Variants in GLRA3 observed in about 807,000 individuals in gnomAD.
The protein encoded by GLRA3 is glycine receptor subunit alpha-3.
In GLRA3, 44 loss-of-function variants were observed where a neutral mutation model predicts 60.4. The ratio of observed to expected loss-of-function variants is 0.73; its 90% CI spans 0.57 to 0.94. The LOEUF (loss-of-function observed/expected upper bound fraction) is 0.94. Among genes scored for constraint, GLRA3 ranks in the 40% least tolerant of loss-of-function variants. The probability of loss-of-function intolerance (pLI) is 0.00; values close to 1 mark genes in which losing one functional copy is unlikely to be tolerated. For missense variants in GLRA3, 508 were observed against 564.6 expected, an observed-to-expected ratio of 0.90 and a Z score of 1.02; for synonymous variants, 223 against 192.9, an observed-to-expected ratio of 1.16 and a Z score of -1.29.
At chr4:174,678,111 C>T (rs989856842) in intron 6 of GLRA3, among the ~76,000 whole-genome samples, 7 of 151,990 alleles carry the variant, frequency 4.6e-5, no homozygotes, top group Admixed American at 6.6e-5. Flanking sequence ...GTGTTATTTC[C>T]CATTAATAAA....
At chr4:174,714,438 T>C (rs901148390) in intron 5 of GLRA3, among the ~76,000 whole-genome samples, 4 of 152,236 alleles carry the variant, frequency 2.6e-5, no homozygotes, top group African/African-American at 7.2e-5. Context: ...TTTATCCATA[T>C]GTATGCTAAT....
rs1732515143 is a variant in GLRA3 at position 174,637,177 on chromosome 4, A to G, written c.*6609T>C. 6.6e-6 allele frequency: 1 copy of G among 152,144 alleles called. No individual in the cohort carries two copies. The highest frequency in any genetic ancestry group is 2.1e-4 in the South Asian group (1 of 4,836). The allele number at this position is 152,144 out of a possible 1,614,324, so 9.4% of individuals were successfully genotyped here. A position where few individuals can be genotyped will look rare whatever the true frequency, so the allele number is the denominator to read the frequency against. ...ACTTAGACATAAGACTCAAGAAGAC[A>G]GAAAAATAATTTACACCATAAAAAC... is the stretch of plus-strand genomic sequence containing the variant. On this transcript the variant is annotated 3_prime_UTR_variant, in exon 10 of 10. Coordinates refer to ENST00000274093, the MANE Select transcript of GLRA3 (RefSeq NM_006529.4).
chr4:174,719,020 T>C (rs1736037695), intron 4 of GLRA3, among the ~76,000 whole-genome samples: 1 of 134,624 alleles, frequency 7.4e-6, no homozygotes, highest in South Asian at 2.5e-4. Flanking sequence ...TGGAGTGCAG[T>C]GGCGCAATCT....
At position 174,718,326 on chromosome 4, in the gene GLRA3, G is replaced by A. The variant is rs17052175; in HGVS notation, c.492-2756C>T. ...CAATTAATCACATTCTACTGTTTTG[G>A]AAATAAATGTTTACTTGTGTAAGAG... is the stretch of plus-strand genomic sequence containing the variant. On this transcript the variant is annotated intron_variant, in intron 4 of 9. Coordinates refer to ENST00000274093, the MANE Select transcript of GLRA3 (RefSeq NM_006529.4). 6.3e-3 allele frequency among the ~76,000 whole-genome samples: 953 copies of A among 152,286 alleles called. 10 individuals carry two copies. The highest frequency in any genetic ancestry group is 0.021 in the African/African-American group (886 of 41,562).
At position 174,747,564 on chromosome 4, in the gene GLRA3, T is replaced by C. The variant is rs1039832958; in HGVS notation, c.268-18866A>G. On this transcript the variant is annotated intron_variant, in intron 3 of 9. Transcript: ENST00000274093. Reference sequence around the variant, plus strand: ...AAGGGAGGAGCAGAGTTAGATTCTGTGACGGTTCCTGTCACAACAGTGAGA... The same window carrying C: ...AAGGGAGGAGCAGAGTTAGATTCTGCGACGGTTCCTGTCACAACAGTGAGA... Among the ~76,000 whole-genome samples the C allele has an allele frequency of 2.0e-5, 3 of 152,118 alleles. No homozygotes were observed. In the South Asian group the frequency reaches 6.2e-4, roughly 31 times the overall value.
intron 5 of GLRA3, among the ~76,000 whole-genome samples, chr4:174,685,135 T>C (rs1330482129): frequency 6.6e-6 from 1 of 152,144 alleles, no homozygotes; most frequent in Non-Finnish European, 1.5e-5. Flanking sequence ...GAAGAGGCTA[T>C]GTGAGTGACT....
chr4:174,733,830 G>GT, intron 3 of GLRA3, among the ~76,000 whole-genome samples: 1 of 152,146 alleles, frequency 6.6e-6, no homozygotes, highest in Admixed American at 6.5e-5. Context: ...AATAAACTGT[G>GT]TTTTTTCCTG....
chr4:174,815,718 G>T (rs1356054353), intron 1 of GLRA3, among the ~76,000 whole-genome samples: 1 of 152,154 alleles, frequency 6.6e-6, no homozygotes, highest in African/African-American at 2.4e-5. Flanking sequence ...GGGATGCAGG[G>T]CACCAAGTCC....
At chr4:174,671,118 G>A (rs546461798) in intron 7 of GLRA3, among the ~76,000 whole-genome samples, 12 of 152,024 alleles carry the variant, frequency 7.9e-5, no homozygotes, top group Non-Finnish European at 1.6e-4. Context: ...GTATCATAAA[G>A]TTAAATTTAT....
chr4:174,667,370 C>G (rs754396900), intron 7 of GLRA3, among the ~76,000 whole-genome samples: 7 of 152,052 alleles, frequency 4.6e-5, no homozygotes, highest in Non-Finnish European at 8.8e-5. Context: ...AATTGAGGAA[C>G]CTGTGGATTA....
In GLRA3 at chr4:174,828,894, C is replaced by G; in HGVS notation, c.-83G>C. 1.0e-6 allele frequency: 1 copy of G among 958,900 alleles called. No homozygotes were observed. Among genetic ancestry groups the G allele is most frequent in the Non-Finnish European group, 1.7e-6 (1 of 586,752 alleles). The allele number at this position is 958,900 out of a possible 1,614,324, so 59.4% of individuals were successfully genotyped here. On this transcript the variant is annotated 5_prime_UTR_variant, in exon 1 of 10. The change abolishes the stop of an existing upstream ORF in the 5' untranslated region. Transcript: ENST00000274093. ...GAAAGACAGAATGAAAATGTACAAT[C>G]TAACCCCGCATGGTGTTGGTGTAGA...
chr4:174,637,599 C>T lies in GLRA3; in HGVS notation c.*6187G>A, dbSNP rs2110817550. 6.6e-6 allele frequency: 1 copy of T among 152,288 alleles called. No homozygotes were observed. Among genetic ancestry groups the T allele is most frequent in the Non-Finnish European group, 1.5e-5 (1 of 68,026 alleles). The allele number at this position is 152,288 out of a possible 1,614,324, so 9.4% of individuals were successfully genotyped here. A position where few individuals can be genotyped will look rare whatever the true frequency, so the allele number is the denominator to read the frequency against. On this transcript the variant is annotated 3_prime_UTR_variant, in exon 10 of 10. Coordinates refer to ENST00000274093, the MANE Select transcript of GLRA3 (RefSeq NM_006529.4). ...ATGTGAGCGGGGTTGCCCAAAGGCG[C>T]CATTGCTAAAACCACCCCAGAGTAA... is the stretch of plus-strand genomic sequence containing the variant.
chr4:174,756,771 A>T (rs953992224), intron 3 of GLRA3, among the ~76,000 whole-genome samples: 1 of 151,500 alleles, frequency 6.6e-6, no homozygotes, highest in Admixed American at 6.6e-5. Flanking sequence ...CAGCCTCCCG[A>T]GTAGCTGGAA....
chr4:174,758,356 G>C (rs1737803078), intron 3 of GLRA3, among the ~76,000 whole-genome samples: 1 of 152,120 alleles, frequency 6.6e-6, no homozygotes, highest in South Asian at 2.1e-4. Flanking sequence ...AAAAAGTAAT[G>C]AGAGTGGTAC....
chr4:174,777,271 T>C (rs1738638001), intron 2 of GLRA3, among the ~76,000 whole-genome samples: 1 of 152,172 alleles, frequency 6.6e-6, no homozygotes, highest in South Asian at 2.1e-4. Flanking sequence ...ACTTCTGAGC[T>C]AGAATTCTGG....
chr4:174,779,673 C>A (rs1738783877), intron 2 of GLRA3, among the ~76,000 whole-genome samples: 1 of 152,136 alleles, frequency 6.6e-6, no homozygotes, highest in Non-Finnish European at 1.5e-5. Flanking sequence ...AATGCAGAAG[C>A]CTCAGGAGCC....
rs1579376669 is a variant in GLRA3 at position 174,643,561 on chromosome 4, A to C, written c.*225T>G. On this transcript the variant is annotated 3_prime_UTR_variant, in exon 10 of 10. Coordinates refer to ENST00000274093, the MANE Select transcript of GLRA3 (RefSeq NM_006529.4). The stretch of plus-strand genomic sequence containing the variant: ...TACTGTGAAAAAACAAATCACCTGG[A>C]ATTAATATGAAATAGAATCCCCTAA... The C allele has an allele frequency of 1.7e-6, 2 of 1,203,510 alleles. No homozygotes were observed. The highest frequency in any genetic ancestry group is 2.1e-6 in the Non-Finnish European group (2 of 964,766). The allele number at this position is 1,203,510 out of a possible 1,614,324, so 74.6% of individuals were successfully genotyped here.
intron 4 of GLRA3, among the ~76,000 whole-genome samples, chr4:174,726,942 A>G (rs1014789139): frequency 5.9e-5 from 9 of 152,146 alleles, no homozygotes; most frequent in African/African-American, 1.9e-4. Context: ...ACTCATCCAT[A>G]TGGGAGTATA....
chr4:174,723,934 C>T (rs976534665), intron 4 of GLRA3, among the ~76,000 whole-genome samples: 6 of 151,914 alleles, frequency 3.9e-5, no homozygotes, highest in African/African-American at 1.4e-4. Context: ...CCCCTTTATT[C>T]CTGCCCAAAT....
Sources: allele counts gnomAD v4.1 joint callset (sites outside exome capture counted in the v4.1 genomes callset), GRCh38; gene constraint gnomAD v4.1.1; transcripts MANE v1.5; gene names NCBI Gene and HGNC (gene_info 2026-07-23, HGNC 2026-07-21).